The following MEIOB variants were observed in gnomAD, a reference collection of about 807,000 sequenced individuals.
The protein encoded by MEIOB is meiosis specific with OB-fold, also known as meiosis-specific with OB domain-containing protein.
A neutral mutation model predicts 53.1 loss-of-function variants in MEIOB; 50 were observed. The ratio of observed to expected loss-of-function variants is 0.94; its 90% CI spans 0.75 to 1.19. The LOEUF is 1.19. Ranked by LOEUF, MEIOB falls within the 50% of genes most tolerant of loss-of-function variation. The pLI is 0.00. For missense variants in MEIOB, 551 were observed against 550.8 expected (o/e 1.00, Z 0.00); for synonymous variants, 192 against 182.5 (o/e 1.05, Z -0.42).
In MEIOB at chr16:1,857,435, C is replaced by T. The variant is rs185941744; in HGVS notation, c.528+300G>A. ...TTCGAGTCAATAAGCTTACCCTTTC[C>T]ATTTACATCTTTGTTTAAGCAATGT... On this transcript the variant is annotated intron_variant, in intron 6 of 13. Transcript: ENST00000325962. 8.6e-4 allele frequency among the ~76,000 whole-genome samples: 131 copies of T among 152,334 alleles called. 1 individual carries two copies. The highest frequency in any genetic ancestry group is 2.9e-3 in the African/African-American group (120 of 41,574).
intron 7 of MEIOB, 54 bp from the exon 8 acceptor site, chr16:1,853,325 T>C (rs1338865191): frequency 9.2e-6 from 12 of 1,298,072 alleles, no homozygotes; most frequent in Non-Finnish European, 1.1e-5. Context: ...AAAAAACTGA[T>C]AGTGACATAT....
At chr16:1,867,887 A>G (rs1046461913) in intron 2 of MEIOB, among the ~76,000 whole-genome samples, 2 of 136,744 alleles carry the variant, frequency 1.5e-5, no homozygotes, top group Non-Finnish European at 3.1e-5. Context: ...CAAATCTACA[A>G]TCATATCTTC....
intron 12 of MEIOB, among the ~76,000 whole-genome samples, chr16:1,838,476 T>TA (rs1407171215): frequency 6.6e-6 from 1 of 152,200 alleles, no homozygotes; most frequent in Non-Finnish European, 1.5e-5. Flanking sequence ...AACAGGTGCC[T>TA]ATTGCCAAAT....
intron 5 of MEIOB, among the ~76,000 whole-genome samples, chr16:1,858,402 C>T (rs912370714): frequency 6.6e-6 from 1 of 152,126 alleles, no homozygotes; most frequent in African/African-American, 2.4e-5. Flanking sequence ...GGAGCTCTCC[C>T]TCCTGCACCG....
intron 9 of MEIOB, among the ~76,000 whole-genome samples, chr16:1,848,910 A>G (rs1284450222): frequency 6.6e-6 from 1 of 152,152 alleles, no homozygotes; most frequent in East Asian, 1.9e-4. Context: ...GGAATATGAC[A>G]GTTTATGCAA....
chr16:1,852,202 C>T (rs1197558443), intron 9 of MEIOB, among the ~76,000 whole-genome samples: 1 of 151,096 alleles, frequency 6.6e-6, no homozygotes, highest in African/African-American at 2.4e-5. Flanking sequence ...TAAAATCGAT[C>T]TCTCAAAAAT....
At chr16:1,840,999 C>CTTTCTT in intron 11 of MEIOB, 1 of 140,558 alleles carries the variant, frequency 7.1e-6, no homozygotes. Flanking sequence ...CTGGAGTTTA[C>CTTTCTT]TTTCTTTTCT....
intron 9 of MEIOB, among the ~76,000 whole-genome samples, chr16:1,846,772 G>A (rs1899036216): frequency 6.6e-6 from 1 of 152,176 alleles, no homozygotes; most frequent in Non-Finnish European, 1.5e-5. Context: ...GACACAGGGA[G>A]GGGAACAACA....
intron 1 of MEIOB, among the ~76,000 whole-genome samples, chr16:1,868,616 G>A (rs1899653649): frequency 6.6e-6 from 1 of 151,880 alleles, no homozygotes. Context: ...AGCACTTTTG[G>A]AGGCCGAGGA....
chr16:1,847,635 GAGAA>G (rs920201095), intron 9 of MEIOB, among the ~76,000 whole-genome samples: 125 of 152,012 alleles, frequency 8.2e-4, no homozygotes, highest in African/African-American at 2.7e-3. Flanking sequence ...AGAAAAAACA[GAGAA>G]AGAAAGAGAG....
rs1231657898 is a variant in MEIOB at position 1,857,836 on chromosome 16, G to C, written c.427C>G (p.Pro143Ala). The C allele has an allele frequency of 1.3e-6, 2 of 1,550,758 alleles. No homozygotes were observed. The highest frequency in any genetic ancestry group is 1.7e-6 in the Non-Finnish European group (2 of 1,145,996). Reference protein sequence around the residue: ...DTKLLSLIHLPVKESHDYYSL... With the variant: ...DTKLLSLIHLAVKESHDYYSL... ...TAATAATCATGAGACTCTTTAACAGGTAAATGTATCAAAGAAAGTAACTTT... is the reference window on the plus strand; with the variant it reads ...TAATAATCATGAGACTCTTTAACAGCTAAATGTATCAAAGAAAGTAACTTT... Residue 143 changes from proline (P) to alanine (A), a missense_variant, in exon 6 of 14, where the codon CCT becomes GCT. Pro to Ala is a conservative substitution (Grantham distance 27). Coordinates refer to ENST00000325962, the MANE Select transcript of MEIOB (RefSeq NM_001163560.3).
At position 1,834,047 on chromosome 16, in the gene MEIOB, CAA is replaced by C. The variant is rs1266347374; in HGVS notation, c.*207_*208del. 1.6e-5 allele frequency: 7 copies of C among 435,336 alleles called. No individual in the cohort carries two copies. Among genetic ancestry groups the C allele is most frequent in the Non-Finnish European group, 2.4e-5 (6 of 246,218 alleles). The allele number at this position is 435,336 out of a possible 1,614,324, so 27.0% of individuals were successfully genotyped here. The stretch of plus-strand genomic sequence containing the variant: ...TTTTCCAACTTGGGAGGAGACAAGG[CAA>C]AGACAGTAGGAGGCCTTCTAAGAAG... On this transcript the variant is annotated 3_prime_UTR_variant, in exon 14 of 14. Coordinates refer to ENST00000325962, the MANE Select transcript of MEIOB (RefSeq NM_001163560.3).
At chr16:1,838,269 G>A in intron 12 of MEIOB, 2 of 409,746 alleles carry the variant, frequency 4.9e-6, no homozygotes, top group Non-Finnish European at 8.6e-6. Flanking sequence ...CAAAGTGGTA[G>A]GATTACAGGT....
intron 2 of MEIOB, among the ~76,000 whole-genome samples, 151 bp from the exon 3 acceptor site, chr16:1,865,986 A>G (rs1899584741): frequency 6.6e-6 from 1 of 152,266 alleles, no homozygotes; most frequent in Admixed American, 6.5e-5. Flanking sequence ...AACATCTAAA[A>G]GAAGTTCATA....
intron 1 of MEIOB, among the ~76,000 whole-genome samples, chr16:1,871,192 A>T (rs1019962132): frequency 6.9e-6 from 1 of 145,680 alleles, no homozygotes; most frequent in Non-Finnish European, 1.5e-5. Context: ...TTCATTCAAC[A>T]ACTACTGTCT....
intron 5 of MEIOB, among the ~76,000 whole-genome samples, chr16:1,858,201 C>CA (rs1263287880): frequency 1.3e-5 from 2 of 152,046 alleles, no homozygotes; most frequent in African/African-American, 4.8e-5. Flanking sequence ...TTTCCTTCTC[C>CA]AAAAAAATAG....
Position 1,860,426 on chromosome 16 carries a change from TTCTTC to T in MEIOB, c.304_308del (p.Glu102LysfsTer8). 6.5e-7 allele frequency: 1 copy of T among 1,546,440 alleles called. No individual in the cohort carries two copies. Among genetic ancestry groups the T allele is most frequent in the Non-Finnish European group, 8.8e-7 (1 of 1,142,548 alleles). On this transcript the variant is annotated frameshift_variant, in exon 5 of 14. Transcript: ENST00000325962. LOFTEE classifies it high-confidence loss of function. ...ACCTAGGAGTTGCAGGGCTGAATTT[TTCTTC>T]TCTTTCTATTTCCTTTCTTTGGATC...
At chr16:1,846,023 A>G (rs62038434) in intron 9 of MEIOB, among the ~76,000 whole-genome samples, 26,597 of 152,124 alleles carry the variant, frequency 0.17, 2,452 homozygotes, top group South Asian at 0.26. Flanking sequence ...AATCCTTGCC[A>G]GCACGCAGTG....
chr16:1,867,456 G>A (rs1419379716), intron 2 of MEIOB, among the ~76,000 whole-genome samples: 1 of 134,424 alleles, frequency 7.4e-6, no homozygotes, highest in South Asian at 2.3e-4. Flanking sequence ...TGAACAAAAT[G>A]GTTTAATTTT....
Sources: allele counts gnomAD v4.1 joint callset (sites outside exome capture counted in the v4.1 genomes callset), GRCh38; gene constraint gnomAD v4.1.1; transcripts MANE v1.5; gene names NCBI Gene and HGNC (gene_info 2026-07-23, HGNC 2026-07-21).